Variants in PSIP1 observed in about 807,000 individuals in gnomAD.
The protein encoded by PSIP1 is PC4 and SFRS1-interacting protein.
A neutral mutation model predicts 74.7 loss-of-function variants in PSIP1; 19 were observed. That is an observed-to-expected ratio of 0.25 (90% CI 0.18 to 0.37). The LOEUF (loss-of-function observed/expected upper bound fraction) is 0.37. Among genes scored for constraint, PSIP1 ranks in the 10% least tolerant of loss-of-function variants. The pLI, the probability that PSIP1 is intolerant of heterozygous loss-of-function variation, is 1.00. For missense variants in PSIP1, 601 were observed against 614.3 expected (o/e 0.98, Z 0.23); for synonymous variants, 222 against 195.3 (o/e 1.14, Z -1.14).
rs1357121980 is a variant in PSIP1 at position 15,486,868 on chromosome 9, A to C, written c.352T>G (p.Ser118Ala). ...TCTTCATGGTCGGTATCTTCCTTTG[A>C]AACACTAGTTTCCTTTTCTTCAACT... is the stretch of plus-strand genomic sequence containing the variant. ...VEVEEKETSV[S>A]KEDTDHEEKA... Residue 118 changes from serine (S) to alanine (A), a missense_variant, in exon 5 of 16, where the codon TCA becomes GCA. This residue lies in a region of PSIP1 where 538 missense variants were observed against 507.6 expected (regional missense o/e 1.06). Transcript: ENST00000380733. 2 of 1,612,354 alleles carry C rather than the reference A, an allele frequency of 1.2e-6. No homozygotes were observed. Among genetic ancestry groups the C allele is most frequent in the Non-Finnish European group, 8.5e-7 (1 of 1,179,238 alleles).
intron 10 of PSIP1, 107 bp downstream of exon 10, chr9:15,472,525 C>T: frequency 1.4e-6 from 2 of 1,464,182 alleles, no homozygotes; most frequent in Non-Finnish European, 1.8e-6. Flanking sequence ...GGAAAAGTCA[C>T]TTCTTCAAAA....
At chr9:15,480,832 A>C (rs2036304875) in intron 6 of PSIP1, among the ~76,000 whole-genome samples, 1 of 152,188 alleles carries the variant, frequency 6.6e-6, no homozygotes, top group African/African-American at 2.4e-5. Flanking sequence ...AGGCAGGAGA[A>C]TTGCTGGAAC....
intron 6 of PSIP1, 43 bp downstream of exon 6, chr9:15,485,963 A>C: frequency 6.6e-7 from 1 of 1,506,498 alleles, no homozygotes. Flanking sequence ...TTAAAATAAA[A>C]ATTCTTTTCA....
At chr9:15,474,763 A>G (rs2036002518) in intron 8 of PSIP1, among the ~76,000 whole-genome samples, 1 of 152,184 alleles carries the variant, frequency 6.6e-6, no homozygotes, top group South Asian at 2.1e-4. Flanking sequence ...TTGGTACTAC[A>G]GAAATAGGCT....
chr9:15,473,520 C>G (rs1040805120), intron 9 of PSIP1, among the ~76,000 whole-genome samples: 3 of 152,134 alleles, frequency 2.0e-5, no homozygotes, highest in Admixed American at 6.5e-5. Context: ...TAATTCAAGT[C>G]TATTCAAAAA....
intron 10 of PSIP1, chr9:15,472,045 T>C (rs1025006513): frequency 5.1e-6 from 5 of 971,814 alleles, no homozygotes; most frequent in Admixed American, 1.2e-4. Context: ...TAAAATTATA[T>C]AGTAAGGGGA....
chr9:15,486,957 TCAAAA>T, intron 4 of PSIP1, 26 bp from the exon 5 acceptor site: 1 of 1,468,228 alleles, frequency 6.8e-7, no homozygotes, highest in African/African-American at 1.4e-5. Context: ...TCTATTAATT[TCAAAA>T]AATAAGTTTT....
chr9:15,477,420 GTAAA>G (rs1304902060), intron 8 of PSIP1, among the ~76,000 whole-genome samples: 1 of 152,064 alleles, frequency 6.6e-6, no homozygotes, highest in Non-Finnish European at 1.5e-5. Context: ...ATTTTTGAAA[GTAAA>G]TACAGACTGG....
rs569905895 is a variant in PSIP1, at chr9:15,469,920, G to C, written c.1033+18C>G. The C allele has an allele frequency of 6.3e-7, 1 of 1,592,136 alleles. No homozygotes were observed. Among genetic ancestry groups the C allele is most frequent in the South Asian group, 1.1e-5 (1 of 90,584 alleles). Reference sequence around the variant, plus strand: ...TCCATGTATAATTTTATGTATCTTAGAAAGTGAAATAACTAACCTCGCTTC... The same window carrying C: ...TCCATGTATAATTTTATGTATCTTACAAAGTGAAATAACTAACCTCGCTTC... On this transcript the variant is annotated intron_variant, in intron 11 of 15. Coordinates refer to ENST00000380733, the MANE Select transcript of PSIP1 (RefSeq NM_033222.5).
intron 2 of PSIP1, 98 bp downstream of exon 2, chr9:15,510,019 A>C (rs1586878257): frequency 8.2e-7 from 1 of 1,218,172 alleles, no homozygotes; most frequent in Non-Finnish European, 1.2e-6. Context: ...AAAGCGAGGG[A>C]GAGAAAGGAC....
At chr9:15,509,953 C>A (rs2037776848) in intron 2 of PSIP1, among the ~76,000 whole-genome samples, 164 bp downstream of exon 2, 1 of 152,140 alleles carries the variant, frequency 6.6e-6, no homozygotes, top group Admixed American at 6.5e-5. Context: ...TTCATAATTA[C>A]ACGGGAGATT....
intron 4 of PSIP1, among the ~76,000 whole-genome samples, chr9:15,488,236 GC>G (rs2036642097): frequency 6.6e-6 from 1 of 152,064 alleles, no homozygotes; most frequent in African/African-American, 2.4e-5. Flanking sequence ...GGAGGCTGAG[GC>G]AGGAGAATTG....
chr9:15,489,995 T>G lies in PSIP1; in HGVS notation c.279A>C (p.Ser93=), dbSNP rs774585581. 1.3e-6 allele frequency: 2 copies of G among 1,573,466 alleles called. No homozygotes were observed. The highest frequency in any genetic ancestry group is 4.6e-5 in the East Asian group (2 of 43,766). Residue 93 remains serine, a synonymous_variant, in exon 4 of 16, where the codon TCA becomes TCC. Transcript: ENST00000380733. The part of the protein sequence containing the change: ...EIDNNPKVKF[S]SQQAATKQSN... Reference sequence around the variant, plus strand: ...ATGTAATATGACTTACCTGTTGACTTGAAAATTTCACTTTTGGATTGTTAT... The same window carrying G: ...ATGTAATATGACTTACCTGTTGACTGGAAAATTTCACTTTTGGATTGTTAT...
intron 9 of PSIP1, among the ~76,000 whole-genome samples, chr9:15,473,730 G>T (rs2132056314): frequency 6.6e-6 from 1 of 151,844 alleles, no homozygotes; most frequent in African/African-American, 2.4e-5. Context: ...GCAAAACCTT[G>T]TCTCCACTAA....
At chr9:15,469,385 G>T in intron 11 of PSIP1, 49 bp from the exon 12 acceptor site, 2 of 1,206,534 alleles carry the variant, frequency 1.7e-6, no homozygotes, top group Non-Finnish European at 2.4e-6. Context: ...TCCAAAACCA[G>T]TATTTCTATA....
chr9:15,495,401 G>A lies in PSIP1; in HGVS notation c.150-5277C>T, dbSNP rs545691943. Among the ~76,000 whole-genome samples the A allele has an allele frequency of 5.4e-4, 82 of 152,168 alleles. 2 individuals carry two copies. The South Asian group carries it at 0.016, about 30-fold the overall frequency. ...CTTAATAATCAATGGGAAAAGTTAC[G>A]ATTGTTCTGTGACCTTTAAAATTTG... is the stretch of plus-strand genomic sequence containing the variant. On this transcript the variant is annotated intron_variant, in intron 3 of 15. Coordinates refer to ENST00000380733, the MANE Select transcript of PSIP1 (RefSeq NM_033222.5).
intron 4 of PSIP1, among the ~76,000 whole-genome samples, chr9:15,489,008 G>A (rs369949951): frequency 2.2e-4 from 34 of 152,126 alleles, no homozygotes; most frequent in African/African-American, 6.3e-4. Context: ...GCGACAGAGC[G>A]AGACTCCTCT....
At chr9:15,497,916 T>G (rs1224417181) in intron 3 of PSIP1, among the ~76,000 whole-genome samples, 1 of 152,212 alleles carries the variant, frequency 6.6e-6, no homozygotes, top group Non-Finnish European at 1.5e-5. Flanking sequence ...TGATACAAAC[T>G]TACTCAAAAG....
chr9:15,466,341 G>T (rs553702295), intron 15 of PSIP1, among the ~76,000 whole-genome samples: 2 of 152,192 alleles, frequency 1.3e-5, no homozygotes, highest in South Asian at 2.1e-4. Context: ...TCGTGCCATT[G>T]CACTCCAGCC....
Sources: gnomAD v4.1 joint callset for allele counts (sites outside exome capture counted in the v4.1 genomes callset) on GRCh38, gnomAD v4.1.1 for gene constraint, gnomAD v4.1.1 regional missense constraint, MANE v1.5 for transcripts, NCBI Gene and HGNC (gene_info 2026-07-23, HGNC 2026-07-21) for gene names.